The following SCARB1 variants were observed in gnomAD, a reference collection of about 807,000 sequenced individuals.
SCARB1 encodes CD36 and LIMPII analogous 1.
In SCARB1, 30 loss-of-function variants were observed where a neutral mutation model predicts 57.2. The observed-to-expected ratio is 0.52, with a 90% CI of 0.39 to 0.71. The LOEUF (loss-of-function observed/expected upper bound fraction) is 0.71, where lower values mean the gene tolerates loss of function less well. Ranked by LOEUF, SCARB1 falls within the 30% of genes least tolerant of loss-of-function variation. SCARB1 has a pLI of 0.00. For missense variants in SCARB1, 543 were observed against 671.2 expected (o/e 0.81, Z 2.11); for synonymous variants, 249 against 268.3 (o/e 0.93, Z 0.70).
chr12:124,815,931 A>C (rs760752695), intron 2 of SCARB1, among the ~76,000 whole-genome samples: 2 of 151,352 alleles, frequency 1.3e-5, no homozygotes, highest in Non-Finnish European at 1.5e-5. Flanking sequence ...TGCAGGTTAA[A>C]ATCAGGCTCC....
chr12:124,858,833 C>T (rs901253286), intron 1 of SCARB1, among the ~76,000 whole-genome samples: 33 of 151,430 alleles, frequency 2.2e-4, no homozygotes, highest in Middle Eastern at 3.4e-3. Context: ...GAGCCGAGAT[C>T]GCACCACTGC....
intron 1 of SCARB1, among the ~76,000 whole-genome samples, chr12:124,829,354 C>A (rs10744179): frequency 0.65 from 99,328 of 152,000 alleles, 33,220 homozygotes; most frequent in African/African-American, 0.79. Flanking sequence ...GCTCTTGCCC[C>A]CCGCCCCGTT....
At chr12:124,799,749 G>A (rs778031462) in intron 8 of SCARB1, among the ~76,000 whole-genome samples, 1 of 152,006 alleles carries the variant, frequency 6.6e-6, no homozygotes, top group Non-Finnish European at 1.5e-5. Context: ...ACTTCACACG[G>A]GACAAATTCC....
intron 9 of SCARB1, among the ~76,000 whole-genome samples, chr12:124,790,621 C>A (rs1467886109): frequency 6.6e-6 from 1 of 152,196 alleles, no homozygotes; most frequent in African/African-American, 2.4e-5. Flanking sequence ...AAAATTGTGA[C>A]AGCAGCAAAA....
intron 8 of SCARB1, among the ~76,000 whole-genome samples, chr12:124,799,523 T>C (rs754687665): frequency 2.1e-4 from 32 of 152,062 alleles, no homozygotes; most frequent in South Asian, 6.2e-4. Context: ...TGAGACCCTG[T>C]CTCAAAAATA....
intron 1 of SCARB1, among the ~76,000 whole-genome samples, chr12:124,835,348 T>C (rs1951599979): frequency 6.6e-6 from 1 of 152,016 alleles, no homozygotes; most frequent in South Asian, 2.1e-4. Context: ...AGCCTTGAAC[T>C]CCTGGGCTCA....
At chr12:124,824,066 C>T (rs1426843218) in intron 1 of SCARB1, among the ~76,000 whole-genome samples, 16 of 150,852 alleles carry the variant, frequency 1.1e-4, no homozygotes, top group Admixed American at 8.6e-4. Context: ...CCCAGCTACT[C>T]GGGAGGCTGA....
chr12:124,778,913 G>C (rs2135510471), intron 12 of SCARB1, among the ~76,000 whole-genome samples: 1 of 152,328 alleles, frequency 6.6e-6, no homozygotes, highest in East Asian at 1.9e-4. Flanking sequence ...ACCGGGGCAA[G>C]CTCTGTCCCT....
intron 11 of SCARB1, chr12:124,783,128 T>TG (rs1431459777): frequency 2.6e-5 from 9 of 342,076 alleles, no homozygotes; most frequent in Admixed American, 8.6e-5. Flanking sequence ...TGGACTTAGC[T>TG]GGGGGGCTGT....
intron 9 of SCARB1, among the ~76,000 whole-genome samples, chr12:124,791,879 C>T (rs1167668357): frequency 6.6e-6 from 1 of 151,908 alleles, no homozygotes; most frequent in South Asian, 2.1e-4. Flanking sequence ...TCGCTTGAAC[C>T]CGAGGCGGAG....
chr12:124,828,709 G>A (rs995679702), intron 1 of SCARB1, among the ~76,000 whole-genome samples: 9 of 152,204 alleles, frequency 5.9e-5, no homozygotes, highest in Non-Finnish European at 7.3e-5. Flanking sequence ...GTGCCCTCAC[G>A]CTTCTCTCCT....
At chr12:124,791,316 G>A (rs555408249) in intron 9 of SCARB1, among the ~76,000 whole-genome samples, 75 of 152,230 alleles carry the variant, frequency 4.9e-4, no homozygotes, top group African/African-American at 1.7e-3. Context: ...CCAGCAAATC[G>A]TCGAGCCTGC....
At chr12:124,832,183 A>T (rs577972025) in intron 1 of SCARB1, among the ~76,000 whole-genome samples, 1 of 152,236 alleles carries the variant, frequency 6.6e-6, no homozygotes, top group Non-Finnish European at 1.5e-5. Context: ...GCTGTGGGAT[A>T]TGTGGGAACT....
intron 11 of SCARB1, chr12:124,783,089 G>A (rs2135526967): frequency 2.3e-6 from 1 of 439,148 alleles, no homozygotes; most frequent in Non-Finnish European, 4.2e-6. Flanking sequence ...AGCAAGGTGG[G>A]GAGATGGGCC....
chr12:124,814,187 C>A lies in SCARB1; in HGVS notation c.630+15G>T, dbSNP rs138600805. Reference sequence around the variant, plus strand: ...ACAGGCCTGAATCTTTGGCTTCTCACCAGGCCACACGTACCTCAGCAAATA... The same window carrying A: ...ACAGGCCTGAATCTTTGGCTTCTCAACAGGCCACACGTACCTCAGCAAATA... On this transcript the variant is annotated intron_variant, in intron 4 of 12. Transcript: ENST00000261693. The surrounding 1 kb of genome is among the most constrained non-coding windows in gnomAD (Gnocchi z 4.7). 6.2e-7 allele frequency: 1 copy of A among 1,612,572 alleles called. No individual in the cohort carries two copies. Among genetic ancestry groups the A allele is most frequent in the African/African-American group, 1.3e-5 (1 of 74,852 alleles).
intron 1 of SCARB1, among the ~76,000 whole-genome samples, chr12:124,860,165 T>A (rs1952834887): frequency 6.6e-6 from 1 of 152,196 alleles, no homozygotes; most frequent in Non-Finnish European, 1.5e-5. Flanking sequence ...TTGGCCAGGC[T>A]GGTCTCAAAC....
At chr12:124,835,877 G>A (rs531097544) in intron 1 of SCARB1, among the ~76,000 whole-genome samples, 7 of 152,252 alleles carry the variant, frequency 4.6e-5, no homozygotes, top group Admixed American at 1.3e-4. Flanking sequence ...GAGCAAAGCA[G>A]GAGCCGCTTC....
chr12:124,797,960 T>TC (rs1339372564), intron 8 of SCARB1, among the ~76,000 whole-genome samples: 4 of 151,838 alleles, frequency 2.6e-5, no homozygotes, highest in Non-Finnish European at 5.9e-5. Flanking sequence ...CTGCCGGGCA[T>TC]CCCCCCAGAG....
At chr12:124,791,909 G>A (rs1330514843) in intron 9 of SCARB1, among the ~76,000 whole-genome samples, 2 of 151,488 alleles carry the variant, frequency 1.3e-5, no homozygotes, top group African/African-American at 2.4e-5. Flanking sequence ...AGCCGAAATC[G>A]CGCCATTGTA....
Sources: allele counts gnomAD v4.1 joint callset (sites outside exome capture counted in the v4.1 genomes callset), GRCh38; gene constraint gnomAD v4.1.1; non-coding constraint Gnocchi (gnomAD v3.1); transcripts MANE v1.5; gene names NCBI Gene and HGNC (gene_info 2026-07-23, HGNC 2026-07-21).